Variants in ARHGAP39 observed in about 807,000 individuals in gnomAD.
ARHGAP39 encodes Rho GTPase activating protein 39.
Under a neutral mutation model 106.9 loss-of-function variants are expected in ARHGAP39, and 44 were observed. That is an observed-to-expected ratio of 0.41 (90% CI 0.32 to 0.53). The LOEUF (loss-of-function observed/expected upper bound fraction) is 0.53, where lower values mean the gene tolerates loss of function less well. ARHGAP39 is among the 20% of genes least tolerant of loss of function. The pLI, the probability that ARHGAP39 is intolerant of heterozygous loss-of-function variation, is 0.21. For synonymous variants in ARHGAP39, 768 were observed against 693.2 expected (o/e 1.11, Z -1.69); for missense variants, 1,496 against 1,577.3 (o/e 0.95, Z 0.87).
intron 1 of ARHGAP39, among the ~76,000 whole-genome samples, chr8:144,665,919 G>A (rs1025903534): frequency 6.6e-6 from 1 of 152,198 alleles, no homozygotes; most frequent in Non-Finnish European, 1.5e-5. Flanking sequence ...CAGAATGGTA[G>A]ATCCACCAAC....
intron 4 of ARHGAP39, among the ~76,000 whole-genome samples, chr8:144,552,200 A>G (rs1817725776): frequency 6.6e-6 from 1 of 152,250 alleles, no homozygotes; most frequent in African/African-American, 2.4e-5. Flanking sequence ...GTGACAGAGG[A>G]TGGGACGACA....
chr8:144,648,589 G>A (rs960134400), intron 1 of ARHGAP39, among the ~76,000 whole-genome samples: 2 of 152,178 alleles, frequency 1.3e-5, no homozygotes, highest in African/African-American at 2.4e-5. Context: ...GAAAGGTAGA[G>A]CAAGTTCCAC....
Position 144,677,911 on chromosome 8 carries a change from G to C in ARHGAP39, c.-82+7775C>G, listed in dbSNP as rs192876030. Among the ~76,000 whole-genome samples the C allele has an allele frequency of 7.2e-5, 11 of 152,236 alleles. No individual in the cohort carries two copies. The East Asian group carries it at 2.1e-3, about 29-fold the overall frequency. ...GGAAGCAAAAATAGAGAATCTGTGA[G>C]AATCAAGACATTTACACTTAGGAAA... is the stretch of plus-strand genomic sequence containing the variant. On this transcript the variant is annotated intron_variant, in intron 1 of 11. Transcript: ENST00000377307.
intron 1 of ARHGAP39, among the ~76,000 whole-genome samples, chr8:144,613,463 AT>A (rs1236533054): frequency 6.7e-6 from 1 of 150,142 alleles, no homozygotes; most frequent in Non-Finnish European, 1.5e-5. Flanking sequence ...CTTAAAAGAT[AT>A]TTAGGTATAG....
At chr8:144,559,558 A>C (rs1301858331) in intron 3 of ARHGAP39, among the ~76,000 whole-genome samples, 5 of 152,180 alleles carry the variant, frequency 3.3e-5, no homozygotes, top group Non-Finnish European at 2.9e-5. Flanking sequence ...CTAAGTAAGC[A>C]CATTGCTCCT....
intron 3 of ARHGAP39, among the ~76,000 whole-genome samples, chr8:144,573,188 G>C (rs1818645413): frequency 6.6e-6 from 1 of 152,198 alleles, no homozygotes. Flanking sequence ...CAATAGCAAA[G>C]ACTTGGAACC....
chr8:144,596,762 CA>C (rs1303742004), intron 2 of ARHGAP39, among the ~76,000 whole-genome samples: 8 of 152,228 alleles, frequency 5.3e-5, no homozygotes, highest in African/African-American at 1.7e-4. Context: ...AGCACACAGA[CA>C]GAGGACCCAC....
chr8:144,651,596 G>A (rs1288105029), intron 1 of ARHGAP39, among the ~76,000 whole-genome samples: 1 of 152,058 alleles, frequency 6.6e-6, no homozygotes, highest in Admixed American at 6.6e-5. Context: ...TCAGCTACTT[G>A]GGAGGCTGAG....
chr8:144,630,088 C>T (rs1415971285), intron 1 of ARHGAP39, among the ~76,000 whole-genome samples: 1 of 152,164 alleles, frequency 6.6e-6, no homozygotes, highest in South Asian at 2.1e-4. Context: ...CAACACCAGG[C>T]ATCCCAGCAA....
At chr8:144,588,954 A>C (rs1819286427) in intron 2 of ARHGAP39, among the ~76,000 whole-genome samples, 1 of 152,238 alleles carries the variant, frequency 6.6e-6, no homozygotes, top group Non-Finnish European at 1.5e-5. Flanking sequence ...ATGCCAGAAG[A>C]GGGTAAGTCC....
rs10532211 is a variant in ARHGAP39 at position 144,619,717 on chromosome 8, CAT to C, written c.-81-14024_-81-14023del. On this transcript the variant is annotated intron_variant, in intron 1 of 11. Transcript: ENST00000377307. ...GAGAGCTTGTGTGTCCCTGAAAAAG[CAT>C]ATGTGTCCGTGTGCGTGTGAGCCTG... Among the ~76,000 whole-genome samples the C allele has an allele frequency of 2.5e-3, 355 of 144,220 alleles. 3 individuals are homozygous for C. The East Asian group carries it at 0.041, about 16-fold the overall frequency. 94.6% of individuals were successfully genotyped at this position (144,220 alleles called of 152,430 possible). A position where few individuals can be genotyped will look rare whatever the true frequency, so the allele number is the denominator to read the frequency against.
chr8:144,576,482 C>G (rs963899955), intron 3 of ARHGAP39, among the ~76,000 whole-genome samples: 16 of 152,114 alleles, frequency 1.1e-4, no homozygotes, highest in Non-Finnish European at 2.1e-4. Context: ...GAGAGTGGGC[C>G]CTGAGCCATG....
At chr8:144,589,026 C>G (rs1308679965) in intron 2 of ARHGAP39, among the ~76,000 whole-genome samples, 1 of 152,196 alleles carries the variant, frequency 6.6e-6, no homozygotes, top group Admixed American at 6.5e-5. Context: ...AAAAGGAAAT[C>G]AGGTGCAAAC....
At chr8:144,551,561 ACCACGCC>A (rs1403928683) in intron 4 of ARHGAP39, among the ~76,000 whole-genome samples, 12 of 152,104 alleles carry the variant, frequency 7.9e-5, no homozygotes, top group Non-Finnish European at 2.9e-5. Flanking sequence ...CTAGGTGAGG[ACCACGCC>A]CCACGGCGCC....
chr8:144,684,068 A>C lies in ARHGAP39; in HGVS notation c.-82+1618T>G. On this transcript the variant is annotated intron_variant, in intron 1 of 11. Transcript: ENST00000377307. The surrounding 1 kb of genome is among the most constrained non-coding windows in gnomAD (Gnocchi z 4.4). ...CCTTGCCGAAGACCACAAAGCCAGT[A>C]AACAGAAGAGTCGCGACTCAGAGGC... 6.6e-6 allele frequency among the ~76,000 whole-genome samples: 1 copy of C among 152,208 alleles called. No homozygotes were observed. The highest frequency in any genetic ancestry group is 1.9e-4 in the East Asian group (1 of 5,196).
intron 3 of ARHGAP39, among the ~76,000 whole-genome samples, chr8:144,573,800 G>A (rs1818669074): frequency 6.6e-6 from 1 of 152,316 alleles, no homozygotes; most frequent in Admixed American, 6.5e-5. Flanking sequence ...CCTTAAGTTG[G>A]CAATCAAGAA....
chr8:144,649,842 A>C (rs1023611266), intron 1 of ARHGAP39, among the ~76,000 whole-genome samples: 4 of 152,152 alleles, frequency 2.6e-5, no homozygotes, highest in Non-Finnish European at 5.9e-5. Context: ...CTATGCACAC[A>C]AACTAGAAAG....
chr8:144,692,745 ATTCTTTTTTTTT>A, the ARHGAP39 span, among the ~76,000 whole-genome samples: 1 of 137,338 alleles, frequency 7.3e-6, no homozygotes, highest in Non-Finnish European at 1.6e-5. Context: ...GTATTGTAAA[ATTCTTTTTTTTT>A]TTTTTTTTTT....
chr8:144,587,999 C>G (rs1420216306), intron 2 of ARHGAP39, among the ~76,000 whole-genome samples: 1 of 152,224 alleles, frequency 6.6e-6, no homozygotes, highest in African/African-American at 2.4e-5. Flanking sequence ...AAGGCAGCAC[C>G]CATCACCATC....
Sources: gnomAD v4.1 joint callset for allele counts (sites outside exome capture counted in the v4.1 genomes callset) on GRCh38, gnomAD v4.1.1 for gene constraint, Gnocchi (gnomAD v3.1) non-coding constraint, MANE v1.5 for transcripts, NCBI Gene and HGNC (gene_info 2026-07-23, HGNC 2026-07-21) for gene names.